The following SSPN variants were observed in gnomAD, a reference collection of about 807,000 sequenced individuals.
SSPN encodes sarcospan.
Under a neutral mutation model 19.1 loss-of-function variants are expected in SSPN, and 15 were observed. That is an observed-to-expected ratio of 0.78 (90% confidence interval 0.52 to 1.21). The LOEUF (loss-of-function observed/expected upper bound fraction) is 1.21. Among genes scored for constraint, SSPN ranks in the 50% most tolerant of loss-of-function variants. SSPN has a pLI of 0.00. For synonymous variants in SSPN, 147 were observed against 140.3 expected, an observed-to-expected ratio of 1.05 and a Z score of -0.34; for missense variants, 291 against 314.0, an observed-to-expected ratio of 0.93 and a Z score of 0.55.
upstream of SSPN, among the ~76,000 whole-genome samples, chr12:26,191,861 A>G (rs1055767485): frequency 3.9e-5 from 6 of 152,204 alleles, no homozygotes; most frequent in Admixed American, 6.5e-5. Context: ...TTTAAATCAA[A>G]TCTAATTGAA....
chr12:26,184,326 T>C (rs951233484), intron 1 of SSPN, among the ~76,000 whole-genome samples: 2 of 152,262 alleles, frequency 1.3e-5, no homozygotes, highest in Non-Finnish European at 2.9e-5. Flanking sequence ...ACACAGTTCC[T>C]AGCATGCAGT....
At chr12:26,166,190 T>G (rs138874650) in intron 1 of SSPN, among the ~76,000 whole-genome samples, 4,497 of 152,150 alleles carry the variant, frequency 0.03, 99 homozygotes, top group Non-Finnish European at 0.041. Context: ...TTGATGAGTG[T>G]AGCAAACCAC....
chr12:26,188,936 TA>T (rs1944770796), intron 1 of SSPN, among the ~76,000 whole-genome samples: 1 of 152,074 alleles, frequency 6.6e-6, no homozygotes, highest in African/African-American at 2.4e-5. Context: ...TTTTGAACAA[TA>T]AAAAAATCTA....
intron 1 of SSPN, among the ~76,000 whole-genome samples, chr12:26,182,175 A>G (rs1944722537): frequency 6.6e-6 from 1 of 152,174 alleles, no homozygotes; most frequent in Non-Finnish European, 1.5e-5. Context: ...CGGGTTAGTC[A>G]AACAACTGAT....
intron 1 of SSPN, among the ~76,000 whole-genome samples, chr12:26,198,687 C>CGATTTTAA (rs1944852007): frequency 6.6e-6 from 1 of 152,154 alleles, no homozygotes; most frequent in African/African-American, 2.4e-5. Context: ...TCAGTTTTGC[C>CGATTTTAA]GTCTCACCTT....
At chr12:26,127,812 T>C (rs1944375440) in intron 1 of SSPN, among the ~76,000 whole-genome samples, 1 of 152,222 alleles carries the variant, frequency 6.6e-6, no homozygotes, top group South Asian at 2.1e-4. Context: ...TGAATCCCAT[T>C]CCTGTTCTTT....
chr12:26,215,011 A>G (rs1945031772), intron 1 of SSPN, among the ~76,000 whole-genome samples: 1 of 152,164 alleles, frequency 6.6e-6, no homozygotes, highest in Admixed American at 6.5e-5. Context: ...AGCTGCTCAT[A>G]TTCACATCTG....
At chr12:26,169,522 A>G (rs1444313841) in intron 1 of SSPN, among the ~76,000 whole-genome samples, 1 of 152,052 alleles carries the variant, frequency 6.6e-6, no homozygotes, top group Non-Finnish European at 1.5e-5. Flanking sequence ...GCTGAGAAAG[A>G]GTTTTCTAAA....
intron 1 of SSPN, among the ~76,000 whole-genome samples, chr12:26,172,759 TTC>T (rs918078697): frequency 2.6e-5 from 4 of 151,906 alleles, no homozygotes; most frequent in Non-Finnish European, 2.9e-5. Context: ...GGAATCCACT[TTC>T]TCTCTCTTTT....
chr12:26,124,253 G>GCCCACCCCCCCCC, intron 1 of SSPN: 1 of 785,908 alleles, frequency 1.3e-6, no homozygotes, highest in South Asian at 1.5e-5. Flanking sequence ...ACCCTCGTCT[G>GCCCACCCCCCCCC]CCCCCCCCGC....
chr12:26,206,245 T>C (rs898448591), intron 1 of SSPN, among the ~76,000 whole-genome samples: 2 of 152,190 alleles, frequency 1.3e-5, no homozygotes, highest in Non-Finnish European at 2.9e-5. Context: ...GACCTCCTCA[T>C]GTTGAAAAGG....
At chr12:26,153,450 AAT>A (rs1944537732) in intron 1 of SSPN, among the ~76,000 whole-genome samples, 1 of 152,062 alleles carries the variant, frequency 6.6e-6, no homozygotes, top group Non-Finnish European at 1.5e-5. Flanking sequence ...CCTCTCCTGG[AAT>A]TTGAGCTCCA....
intron 1 of SSPN, among the ~76,000 whole-genome samples, chr12:26,182,081 G>A (rs1158324423): frequency 9.2e-5 from 14 of 152,308 alleles, no homozygotes; most frequent in Admixed American, 8.5e-4. Context: ...AGTAAATCAC[G>A]TGTCAGGATC....
chr12:26,145,711 C>T (rs1247643838), intron 1 of SSPN, among the ~76,000 whole-genome samples: 1 of 152,212 alleles, frequency 6.6e-6, no homozygotes, highest in African/African-American at 2.4e-5. Context: ...ATGGCGCCAC[C>T]ACCATGGCCT....
intron 1 of SSPN, chr12:26,124,440 G>T: frequency 6.8e-7 from 1 of 1,462,114 alleles, no homozygotes; most frequent in Non-Finnish European, 9.6e-7. Context: ...ATATTTGCGG[G>T]CAGAGCTTCA....
chr12:26,167,087 AT>A (rs1384966064), intron 1 of SSPN, among the ~76,000 whole-genome samples: 1 of 152,254 alleles, frequency 6.6e-6, no homozygotes, highest in Admixed American at 6.5e-5. Flanking sequence ...AAGTGGAAAA[AT>A]AAATCAGAGC....
intron 1 of SSPN, among the ~76,000 whole-genome samples, chr12:26,196,695 T>C (rs1358520746): frequency 6.6e-6 from 1 of 152,224 alleles, no homozygotes; most frequent in African/African-American, 2.4e-5. Flanking sequence ...GAATACCTAC[T>C]GTGTGCTCGC....
chr12:26,129,202 T>C (rs1944383423), intron 1 of SSPN, among the ~76,000 whole-genome samples: 1 of 152,136 alleles, frequency 6.6e-6, no homozygotes, highest in Non-Finnish European at 1.5e-5. Flanking sequence ...ACTGTGAAAA[T>C]GGCCCATCTG....
chr12:26,124,186 A>C, intron 1 of SSPN: 1 of 1,549,814 alleles, frequency 6.5e-7, no homozygotes, highest in East Asian at 2.2e-5. Flanking sequence ...TATCCTTAAT[A>C]TATGAGAGTC....
Sources: gnomAD v4.1 joint callset for allele counts (sites outside exome capture counted in the v4.1 genomes callset) on GRCh38, gnomAD v4.1.1 for gene constraint, MANE v1.5 for transcripts, NCBI Gene and HGNC (gene_info 2026-07-23, HGNC 2026-07-21) for gene names.